Variants in CELA2B observed in about 807,000 individuals in gnomAD.
CELA2B encodes chymotrypsin like elastase 2B.
CELA2B carries 27 observed loss-of-function variants against 36.5 expected under a neutral mutation model. That is an observed-to-expected ratio of 0.74 (90% CI 0.55 to 1.02). CELA2B has a LOEUF of 1.02. CELA2B is among the 50% of genes least tolerant of loss of function. The pLI, the probability that CELA2B is intolerant of heterozygous loss-of-function variation, is 0.00. For synonymous variants in CELA2B, 143 were observed against 148.5 expected (o/e 0.96, Z 0.27); for missense variants, 340 against 347.8 (o/e 0.98, Z 0.18).
chr1:15,480,687 A>G (rs1708729549), intron 2 of CELA2B, among the ~76,000 whole-genome samples: 1 of 152,106 alleles, frequency 6.6e-6, no homozygotes, highest in Non-Finnish European at 1.5e-5. Context: ...TCATGATTCA[A>G]TTACCTCTCA....
At chr1:15,480,714 A>G (rs1377252221) in intron 2 of CELA2B, among the ~76,000 whole-genome samples, 2 of 152,000 alleles carry the variant, frequency 1.3e-5, no homozygotes, top group East Asian at 3.9e-4. Context: ...CCCTCCCCCT[A>G]CCTATGGGGA....
intron 2 of CELA2B, among the ~76,000 whole-genome samples, chr1:15,479,790 GAA>G (rs1160216380): frequency 6.6e-6 from 1 of 152,110 alleles, no homozygotes; most frequent in East Asian, 1.9e-4. Context: ...GGAAGTGAAG[GAA>G]AGAGCTACGC....
chr1:15,476,125 C>T lies in CELA2B; in HGVS notation c.-1C>T, dbSNP rs1708663686. On this transcript the variant is annotated 5_prime_UTR_variant, in exon 1 of 8. Coordinates refer to ENST00000375910, the MANE Select transcript of CELA2B (RefSeq NM_015849.3). ...GCTTACAGAACTCCCACGGACACAC[C>T]ATGATTAGGACCCTGCTGCTGTCCA... The T allele has an allele frequency of 1.9e-6, 3 of 1,614,078 alleles. No homozygotes were observed. The highest frequency in any genetic ancestry group is 2.2e-5 in the South Asian group (2 of 91,070).
chr1:15,486,483 CT>C (rs1359282708), intron 6 of CELA2B, among the ~76,000 whole-genome samples: 1 of 152,052 alleles, frequency 6.6e-6, no homozygotes, highest in Non-Finnish European at 1.5e-5. Context: ...AAAAAAAAAC[CT>C]GACCTTGTTC....
At chr1:15,490,369 C>T (rs918778745) in intron 7 of CELA2B, among the ~76,000 whole-genome samples, 1 of 152,198 alleles carries the variant, frequency 6.6e-6, no homozygotes, top group African/African-American at 2.4e-5. Context: ...TTTTACATGT[C>T]AGTACATACA....
Position 15,483,499 on chromosome 1 carries a change from G to A in CELA2B, c.493+99G>A, listed in dbSNP as rs181422030. 1,298 of 1,573,996 alleles carry A rather than the reference G, an allele frequency of 8.2e-4. 8 individuals carry two copies. Among genetic ancestry groups the A allele is most frequent in the East Asian group, 1.0e-3 (45 of 44,608 alleles). On this transcript the variant is annotated intron_variant, in intron 5 of 7. Transcript: ENST00000375910. ...TCACCTCACATGTTATCCTGGGCAT[G>A]TGGCTGCCTTGGAGAGACAGGATGG...
At position 15,485,998 on chromosome 1, in the gene CELA2B, G is replaced by A. The variant is rs1234669433; in HGVS notation, c.591G>A (p.Lys197=). ...SSSGWWGSTV[K]TNMICAGGDG... The stretch of plus-strand genomic sequence containing the variant: ...CTGGCTGGTGGGGCAGCACCGTGAA[G>A]ACGAATATGATCTGTGCTGGGGGTG... Residue 197 remains lysine, a synonymous_variant, in exon 6 of 8, where the codon AAG becomes AAA. Transcript: ENST00000375910. 4 of 1,614,204 alleles carry A rather than the reference G, an allele frequency of 2.5e-6. No homozygotes were observed. In the South Asian group the frequency reaches 4.4e-5, roughly 18 times the overall value.
In CELA2B at chr1:15,484,243, C is replaced by T. The variant is rs57367279; in HGVS notation, c.493+843C>T. Among the ~76,000 whole-genome samples, 725 of 152,162 alleles carry T rather than the reference C, an allele frequency of 4.8e-3. 7 individuals are homozygous for T. The highest frequency in any genetic ancestry group is 0.022 in the East Asian group (114 of 5,180). ...CCATTTGGTCTTGCTACTGAGAACC[C>T]GGCTGAGGGTGGGTCTTCTTTGACA... On this transcript the variant is annotated intron_variant, in intron 5 of 7. Coordinates refer to ENST00000375910, the MANE Select transcript of CELA2B (RefSeq NM_015849.3).
chr1:15,481,400 C>T (rs1197946796), intron 3 of CELA2B, among the ~76,000 whole-genome samples: 1 of 152,156 alleles, frequency 6.6e-6, no homozygotes, highest in Non-Finnish European at 1.5e-5. Context: ...AGTGTCTGTG[C>T]CAGGCAGGCA....
chr1:15,482,311 G>T lies in CELA2B; in HGVS notation c.274G>T (p.Val92Phe). 1.2e-6 allele frequency: 2 copies of T among 1,614,060 alleles called. No homozygotes were observed. The highest frequency in any genetic ancestry group is 1.7e-6 in the Non-Finnish European group (2 of 1,179,996). ...GATGCTGGGCCAGCATAACCTCTACGTTGCAGAGTCCGGCTCGCTGGCCGT... is the reference window on the plus strand; with the variant it reads ...GATGCTGGGCCAGCATAACCTCTACTTTGCAGAGTCCGGCTCGCTGGCCGT... ...RVMLGQHNLY[V>F]AESGSLAVSV... Residue 92 changes from valine to phenylalanine, a missense_variant, in exon 4 of 8, where the codon GTT (valine) becomes TTT (phenylalanine). Physicochemically the swap from Val to Phe is conservative, Grantham distance 50. Coordinates refer to ENST00000375910, the MANE Select transcript of CELA2B (RefSeq NM_015849.3).
chr1:15,486,976 G>A (rs937977114), intron 6 of CELA2B, among the ~76,000 whole-genome samples: 2 of 152,186 alleles, frequency 1.3e-5, no homozygotes, highest in Admixed American at 1.3e-4. Flanking sequence ...GTGCAACCTT[G>A]GGCAAGTCCC....
chr1:15,482,487 T>A, intron 4 of CELA2B, 94 bp downstream of exon 4: 1 of 1,528,462 alleles, frequency 6.5e-7, no homozygotes, highest in Non-Finnish European at 9.0e-7. Context: ...CCACACCCCC[T>A]CTGCTTTTTC....
chr1:15,480,967 C>A, intron 2 of CELA2B, 131 bp from the exon 3 acceptor site: 1 of 876,970 alleles, frequency 1.1e-6, no homozygotes, highest in Non-Finnish European at 1.8e-6. Flanking sequence ...TTTGGGTGCC[C>A]CCTTAAGTTG....
At position 15,491,366 on chromosome 1, in the gene CELA2B, T is replaced by C; in HGVS notation, c.*54T>C. On this transcript the variant is annotated 3_prime_UTR_variant, in exon 8 of 8. Coordinates refer to ENST00000375910, the MANE Select transcript of CELA2B (RefSeq NM_015849.3). The stretch of plus-strand genomic sequence containing the variant: ...ACTTGGAAAGGTCACAGAAGGAAAA[T>C]AATATTATATAAAGTGACAACTATG... 6.3e-7 allele frequency: 1 copy of C among 1,596,462 alleles called. No individual in the cohort carries two copies. Among genetic ancestry groups the C allele is most frequent in the Non-Finnish European group, 8.6e-7 (1 of 1,164,100 alleles).
At chr1:15,479,121 T>G (rs1295509011) in intron 2 of CELA2B, among the ~76,000 whole-genome samples, 2 of 152,206 alleles carry the variant, frequency 1.3e-5, no homozygotes, top group East Asian at 3.8e-4. Context: ...CATTTTTAAA[T>G]TGGGGTGGGG....
intron 4 of CELA2B, 34 bp from the exon 5 acceptor site, chr1:15,483,230 C>T: frequency 2.5e-6 from 4 of 1,612,592 alleles, no homozygotes; most frequent in Non-Finnish European, 3.4e-6. Flanking sequence ...AAAAGTCAAC[C>T]CTGTTCTCAT....
rs145448066 is a variant in CELA2B at position 15,481,100 on chromosome 1, C to T, written c.132C>T (p.Val44=). The T allele has an allele frequency of 1.2e-6, 2 of 1,612,258 alleles. No individual in the cohort carries two copies. Among genetic ancestry groups the T allele is most frequent in the African/African-American group, 1.3e-5 (1 of 74,846 alleles). The change falls in exon 3 of 8, where the codon GTC becomes GTT. Residue 44 remains valine (V), a splice_region_variant and synonymous_variant. Transcript: ENST00000375910. The part of the protein sequence containing the change: ...EARPNSWPWQ[V]SLQYSSNGQW... ...CACAGACCTGTGTTTCTCCCCAGGTCTCCCTGCAGTACAGCTCCAATGGCC... is the reference window on the plus strand; with the variant it reads ...CACAGACCTGTGTTTCTCCCCAGGTTTCCCTGCAGTACAGCTCCAATGGCC...
At chr1:15,481,010 C>A (rs1226130041) in intron 2 of CELA2B, 88 bp from the exon 3 acceptor site, 2 of 1,478,830 alleles carry the variant, frequency 1.4e-6, no homozygotes, top group South Asian at 1.2e-5. Context: ...CTCCCCCTTA[C>A]CCTTGTCCCA....
chr1:15,482,502 G>C lies in CELA2B; in HGVS notation c.356+109G>C, dbSNP rs147273139. On this transcript the variant is annotated intron_variant, in intron 4 of 7. Transcript: ENST00000375910. ...CCACACCCCCTCTGCTTTTTCTATA[G>C]GGAAGAGAAAGGAGCTCTGGCCTAT... The C allele has an allele frequency of 5.3e-5, 79 of 1,481,448 alleles. 1 individual carries two copies. In the East Asian group the frequency reaches 1.8e-3, roughly 33 times the overall value. The allele number at this position is 1,481,448 out of a possible 1,614,324, so 91.8% of individuals were successfully genotyped here. A position where few individuals can be genotyped will look rare whatever the true frequency, so the allele number is the denominator to read the frequency against.
Sources: allele counts gnomAD v4.1 joint callset (sites outside exome capture counted in the v4.1 genomes callset), GRCh38; gene constraint gnomAD v4.1.1; transcripts MANE v1.5; gene names NCBI Gene and HGNC (gene_info 2026-07-23, HGNC 2026-07-21).